Variants in CD4 observed in about 807,000 individuals in gnomAD.
The protein encoded by CD4 is T-cell surface glycoprotein CD4.
Under a neutral mutation model 50.5 loss-of-function variants are expected in CD4, and 25 were observed. That is an observed-to-expected ratio of 0.49 (90% CI 0.36 to 0.69). CD4 has a LOEUF of 0.69. Among genes scored for constraint, CD4 ranks in the 30% least tolerant of loss-of-function variants. CD4 has a pLI of 0.00. For synonymous variants in CD4, 207 were observed against 221.9 expected (o/e 0.93, Z 0.60); for missense variants, 456 against 548.5 (o/e 0.83, Z 1.68).
chr12:6,817,442 G>A, intron 7 of CD4, 112 bp downstream of exon 7: 1 of 897,894 alleles, frequency 1.1e-6, no homozygotes. Flanking sequence ...GGGGTTATGG[G>A]TATGGTGTCC....
intron 1 of CD4, among the ~76,000 whole-genome samples, chr12:6,795,785 T>C (rs939995764): frequency 2.0e-5 from 3 of 152,118 alleles, no homozygotes; most frequent in Non-Finnish European, 4.4e-5. Context: ...AGGAAAAATA[T>C]CCCAGCTTCT....
chr12:6,800,821 G>T (rs1488243381), intron 3 of CD4, among the ~76,000 whole-genome samples: 3 of 152,098 alleles, frequency 2.0e-5, no homozygotes, highest in Non-Finnish European at 4.4e-5. Context: ...CACTGTGGGA[G>T]GCTGAGGCCG....
Position 6,813,219 on chromosome 12 carries a change from A to T in CD4, c.215-923A>T, listed in dbSNP as rs561804393. On this transcript the variant is annotated intron_variant, in intron 3 of 9. Coordinates refer to ENST00000011653, the MANE Select transcript of CD4 (RefSeq NM_000616.5). ...CCTCCCAAGGCGGCTAATTAAAAAA[A>T]ATTTTTTTTTTTTTTTTTTTAGAGA... 6.2e-5 allele frequency among the ~76,000 whole-genome samples: 9 copies of T among 145,124 alleles called. No homozygotes were observed. The East Asian group carries it at 1.2e-3, about 20-fold the overall frequency.
At chr12:6,809,478 AGAGT>A (rs1942871847) in intron 3 of CD4, among the ~76,000 whole-genome samples, 1 of 151,758 alleles carries the variant, frequency 6.6e-6, no homozygotes, top group East Asian at 1.9e-4. Context: ...CCTAGGTGAC[AGAGT>A]GAGACCCTGT....
intron 3 of CD4, among the ~76,000 whole-genome samples, chr12:6,800,958 T>C (rs1262779150): frequency 2.6e-5 from 4 of 151,878 alleles, no homozygotes; most frequent in African/African-American, 7.3e-5. Context: ...CAGGCTCCAG[T>C]GCAGTGGTGT....
chr12:6,799,766 C>A, intron 1 of CD4: 1 of 206,800 alleles, frequency 4.8e-6, no homozygotes, highest in South Asian at 8.3e-5. Flanking sequence ...CAGGCATGAG[C>A]CACCGCACCC....
intron 3 of CD4, among the ~76,000 whole-genome samples, chr12:6,808,265 A>G (rs1942830954): frequency 6.7e-6 from 1 of 149,554 alleles, no homozygotes; most frequent in Non-Finnish European, 1.5e-5. Flanking sequence ...CACTCTGGCT[A>G]ACACAGTGAA....
Position 6,814,217 on chromosome 12 carries a change from A to G in CD4, c.290A>G (p.Lys97Arg), listed in dbSNP as rs782025582. Residue 97 changes from lysine (K) to arginine (R), a missense_variant, in exon 4 of 10, where the codon AAG becomes AGG. By Grantham distance (26) the Lys-to-Arg change is conservative. Transcript: ENST00000011653. ...WDQGNFPLII[K>R]NLKIEDSDTY... is the part of the protein sequence containing the mutation. ...CAAGGAAACTTTCCCCTGATCATCA[A>G]GAATCTTAAGATAGAAGACTCAGAT... 6.2e-7 allele frequency: 1 copy of G among 1,614,184 alleles called. No individual in the cohort carries two copies. Among genetic ancestry groups the G allele is most frequent in the Admixed American group, 1.7e-5 (1 of 60,030 alleles).
chr12:6,793,130 G>A (rs982151349), intron 1 of CD4, among the ~76,000 whole-genome samples: 3 of 152,086 alleles, frequency 2.0e-5, no homozygotes, highest in Non-Finnish European at 2.9e-5. Flanking sequence ...GGGTGGCAGC[G>A]GAAGCCCAAA....
intron 3 of CD4, among the ~76,000 whole-genome samples, chr12:6,808,482 A>AAAAAAAAT (rs1942841700): frequency 2.0e-4 from 27 of 135,354 alleles, no homozygotes; most frequent in South Asian, 4.6e-4. Flanking sequence ...AAAAAAAAAA[A>AAAAAAAAT]GTGAAGTTTA....
intron 3 of CD4, 21 bp downstream of exon 3, chr12:6,800,492 A>G (rs1023772140): frequency 2.3e-5 from 37 of 1,602,868 alleles, no homozygotes; most frequent in Non-Finnish European, 3.0e-5. Context: ...CTGGCTCCCC[A>G]TCCAGGGAGG....
intron 3 of CD4, among the ~76,000 whole-genome samples, chr12:6,813,317 A>G (rs1942993665): frequency 6.6e-6 from 1 of 151,492 alleles, no homozygotes. Context: ...TCGATCTTTC[A>G]AAGAGCTGGG....
chr12:6,800,632 T>C (rs1942515504), intron 3 of CD4, among the ~76,000 whole-genome samples, 161 bp downstream of exon 3: 1 of 152,218 alleles, frequency 6.6e-6, no homozygotes, highest in Non-Finnish European at 1.5e-5. Flanking sequence ...CACCAACTGC[T>C]GGTGGCCCAG....
Position 6,818,684 on chromosome 12 carries a change from C to T in CD4, c.1278+142C>T, listed in dbSNP as rs782608488. 5.6e-4 allele frequency: 689 copies of T among 1,231,206 alleles called. No individual in the cohort carries two copies. Among genetic ancestry groups the T allele is most frequent in the Non-Finnish European group, 6.4e-4 (545 of 850,840 alleles). 76.3% of individuals were successfully genotyped at this position (1,231,206 alleles called of 1,614,324 possible). A position where few individuals can be genotyped will look rare whatever the true frequency, so the allele number is the denominator to read the frequency against. ...CCTTGCTGCCCTGTCCCAGATCCCA[C>T]TCAAGGGAGAGACAGGAAGGAGCAG... On this transcript the variant is annotated intron_variant, in intron 8 of 9. Coordinates refer to ENST00000011653, the MANE Select transcript of CD4 (RefSeq NM_000616.5). The surrounding 1 kb of genome is among the most constrained non-coding windows in gnomAD (Gnocchi z 5.0).
chr12:6,801,782 G>C (rs1323907740), intron 3 of CD4, among the ~76,000 whole-genome samples: 1 of 150,974 alleles, frequency 6.6e-6, no homozygotes, highest in Non-Finnish European at 1.5e-5. Context: ...GGCTGGTCTT[G>C]ATCTCCTGAC....
intron 3 of CD4, among the ~76,000 whole-genome samples, chr12:6,804,990 T>C (rs1591551877): frequency 7.2e-6 from 1 of 138,450 alleles, no homozygotes; most frequent in Admixed American, 7.7e-5. Flanking sequence ...CACTCCAGCC[T>C]GGGTGACACA....
At chr12:6,795,098 C>CTCTATCTA (rs10667545) in intron 1 of CD4, among the ~76,000 whole-genome samples, 63,543 of 146,806 alleles carry the variant, frequency 0.43, 13,864 homozygotes, top group Middle Eastern at 0.48. Context: ...AAATGTCTGT[C>CTCTATCTA]TCTATCTATC....
Position 6,820,288 on chromosome 12 carries a change from C to G in CD4, c.*959C>G, listed in dbSNP as rs1943234191. 1 of 152,230 alleles carries G rather than the reference C, an allele frequency of 6.6e-6. No homozygotes were observed. The highest frequency in any genetic ancestry group is 6.5e-5 in the Admixed American group (1 of 15,280). 9.4% of individuals were successfully genotyped at this position (152,230 alleles called of 1,614,324 possible). A position where few individuals can be genotyped will look rare whatever the true frequency, so the allele number is the denominator to read the frequency against. ...CCCTGTCTAAAATCCCTCCTTCATC[C>G]CCCGCTGGTGGCAGAATCTGTTACC... On this transcript the variant is annotated 3_prime_UTR_variant, in exon 10 of 10. Coordinates refer to ENST00000011653, the MANE Select transcript of CD4 (RefSeq NM_000616.5).
At chr12:6,801,855 C>T (rs1942570333) in intron 3 of CD4, among the ~76,000 whole-genome samples, 1 of 142,862 alleles carries the variant, frequency 7.0e-6, no homozygotes. Context: ...TCACTGTGCC[C>T]GGCCCAGAAT....
Sources: allele counts gnomAD v4.1 joint callset (sites outside exome capture counted in the v4.1 genomes callset), GRCh38; gene constraint gnomAD v4.1.1; non-coding constraint Gnocchi (gnomAD v3.1); transcripts MANE v1.5; gene names NCBI Gene and HGNC (gene_info 2026-07-23, HGNC 2026-07-21).